ZDHHC21: variants seen among roughly 807,000 people sequenced by gnomAD.
ZDHHC21 encodes zDHHC palmitoyltransferase 21.
A neutral mutation model predicts 34.6 loss-of-function variants in ZDHHC21; 15 were observed. That is an observed-to-expected ratio of 0.43 (90% CI 0.29 to 0.67). The LOEUF (loss-of-function observed/expected upper bound fraction) is 0.67, where lower values mean the gene tolerates loss of function less well. ZDHHC21 is among the 30% of genes least tolerant of loss of function. The pLI is 0.14. For synonymous variants in ZDHHC21, 142 were observed against 101.8 expected (o/e 1.40, Z -2.38); for missense variants, 344 against 327.7 (o/e 1.05, Z -0.38).
the ZDHHC21 span, among the ~76,000 whole-genome samples, chr9:14,590,797 A>G: frequency 2.6e-5 from 4 of 152,342 alleles, no homozygotes; most frequent in South Asian, 8.3e-4. Flanking sequence ...ACTAGGATCT[A>G]CAAAAGGAAC....
At chr9:14,639,836 T>A in intron 8 of ZDHHC21, 60 bp downstream of exon 8, 2 of 1,011,192 alleles carry the variant, frequency 2.0e-6, no homozygotes, top group Non-Finnish European at 2.8e-6. Context: ...CTTTTGAGAA[T>A]TACATTCATA....
intron 7 of ZDHHC21, among the ~76,000 whole-genome samples, chr9:14,646,395 CTT>C (rs1761034488): frequency 6.6e-6 from 1 of 151,926 alleles, no homozygotes; most frequent in African/African-American, 2.4e-5. Flanking sequence ...TATAAAAATA[CTT>C]TTATTAATTT....
intron 2 of ZDHHC21, among the ~76,000 whole-genome samples, chr9:14,688,166 CTT>C (rs1340744813): frequency 6.6e-6 from 1 of 150,886 alleles, no homozygotes; most frequent in Admixed American, 6.6e-5. Flanking sequence ...GACATAGTCT[CTT>C]ATTCACTTTC....
chr9:14,596,645 CT>C, the ZDHHC21 span, among the ~76,000 whole-genome samples: 3 of 152,172 alleles, frequency 2.0e-5, no homozygotes, highest in South Asian at 6.2e-4. Context: ...GATAGGAAGA[CT>C]TCCTTTGTCT....
At chr9:14,682,289 G>C (rs1191833439) in intron 2 of ZDHHC21, among the ~76,000 whole-genome samples, 8 of 152,128 alleles carry the variant, frequency 5.3e-5, no homozygotes, top group South Asian at 2.1e-4. Context: ...CTGTATTCAG[G>C]AGACCCATCT....
chr9:14,610,790 T>A (rs890528691), downstream of ZDHHC21, among the ~76,000 whole-genome samples: 1 of 152,032 alleles, frequency 6.6e-6, no homozygotes, highest in African/African-American at 2.4e-5. Flanking sequence ...TTAAATAAAT[T>A]GGGTGACTGA....
intron 1 of ZDHHC21, among the ~76,000 whole-genome samples, chr9:14,692,637 T>C (rs935132442): frequency 3.5e-5 from 5 of 142,200 alleles, no homozygotes; most frequent in African/African-American, 1.2e-4. Context: ...AGCGACCTGT[T>C]ACAGTGAACA....
intron 2 of ZDHHC21, among the ~76,000 whole-genome samples, chr9:14,684,778 C>G (rs1279364948): frequency 6.6e-6 from 1 of 152,130 alleles, no homozygotes; most frequent in Non-Finnish European, 1.5e-5. Flanking sequence ...AAGCTGGAGG[C>G]ATCACGCTAC....
intron 2 of ZDHHC21, among the ~76,000 whole-genome samples, chr9:14,684,479 G>A (rs1455834950): frequency 4.1e-5 from 6 of 146,646 alleles, no homozygotes; most frequent in African/African-American, 1.5e-4. Context: ...AAAATACCTA[G>A]GAATCCAACT....
intron 6 of ZDHHC21, 36 bp downstream of exon 6, chr9:14,662,179 C>T (rs778717454): frequency 3.7e-5 from 53 of 1,437,728 alleles, no homozygotes; most frequent in Non-Finnish European, 4.8e-5. Context: ...TTATTACCCA[C>T]CCCTCTTTTC....
chr9:14,635,754 G>GGGT (rs1328173694), intron 8 of ZDHHC21, among the ~76,000 whole-genome samples: 1 of 152,110 alleles, frequency 6.6e-6, no homozygotes, highest in Non-Finnish European at 1.5e-5. Flanking sequence ...ACCCACTCTT[G>GGGT]GGTGGTTGAG....
At chr9:14,671,657 T>TC (rs1290536258) in intron 5 of ZDHHC21, among the ~76,000 whole-genome samples, 1 of 151,944 alleles carries the variant, frequency 6.6e-6, no homozygotes, top group Non-Finnish European at 1.5e-5. Flanking sequence ...AAAACATGGC[T>TC]CTAGTAATGA....
chr9:14,595,832 A>G, the ZDHHC21 span, among the ~76,000 whole-genome samples: 3 of 152,266 alleles, frequency 2.0e-5, no homozygotes, highest in African/African-American at 7.2e-5. Flanking sequence ...ATGCACATAA[A>G]AGATGTTCAA....
chr9:14,649,199 T>C (rs911983113), intron 7 of ZDHHC21, among the ~76,000 whole-genome samples: 7 of 152,092 alleles, frequency 4.6e-5, no homozygotes, highest in South Asian at 2.1e-4. Flanking sequence ...TACCCACTGG[T>C]AAAGGATTTT....
chr9:14,598,528 A>C, the ZDHHC21 span, among the ~76,000 whole-genome samples: 1 of 152,218 alleles, frequency 6.6e-6, no homozygotes, highest in Non-Finnish European at 1.5e-5. Flanking sequence ...CAATGTAAGG[A>C]CACAAGAAAC....
the ZDHHC21 span, among the ~76,000 whole-genome samples, chr9:14,603,868 A>T: frequency 1.3e-5 from 2 of 152,178 alleles, no homozygotes; most frequent in Admixed American, 6.5e-5. Flanking sequence ...ATAAGAGCAT[A>T]ATTTTTTATT....
In ZDHHC21 at chr9:14,643,900, G is replaced by A. The variant is rs567290236; in HGVS notation, c.505-3888C>T. Reference sequence around the variant, plus strand: ...CGGTGACAAATGTCTTAGTTATTACGGCTTTGTAATAAGTCTCAATACCTG... The same window carrying A: ...CGGTGACAAATGTCTTAGTTATTACAGCTTTGTAATAAGTCTCAATACCTG... On this transcript the variant is annotated intron_variant, in intron 7 of 9. Coordinates refer to ENST00000380916, the MANE Select transcript of ZDHHC21 (RefSeq NM_178566.6). Among the ~76,000 whole-genome samples the A allele has an allele frequency of 3.3e-5, 5 of 152,188 alleles. No individual in the cohort carries two copies. In the South Asian group the frequency reaches 1.0e-3, roughly 32 times the overall value.
chr9:14,646,743 A>G (rs1035415086), intron 7 of ZDHHC21, among the ~76,000 whole-genome samples: 7 of 152,176 alleles, frequency 4.6e-5, no homozygotes, highest in Non-Finnish European at 8.8e-5. Context: ...TCGCCTTATC[A>G]GAGACCTTTT....
intron 8 of ZDHHC21, among the ~76,000 whole-genome samples, chr9:14,630,846 A>T (rs1827211313): frequency 6.6e-6 from 1 of 152,222 alleles, no homozygotes; most frequent in African/African-American, 2.4e-5. Context: ...AGTAGTTCTC[A>T]ATAGTGGGCT....
Sources: allele counts gnomAD v4.1 joint callset (sites outside exome capture counted in the v4.1 genomes callset), GRCh38; gene constraint gnomAD v4.1.1; transcripts MANE v1.5; gene names NCBI Gene and HGNC (gene_info 2026-07-23, HGNC 2026-07-21).